The following MYRFL variants were observed in gnomAD, a reference collection of about 807,000 sequenced individuals.
MYRFL encodes the protein myelin regulatory factor-like protein.
MYRFL carries 88 observed loss-of-function variants against 109.4 expected under a neutral mutation model. That is an observed-to-expected ratio of 0.80 (90% CI 0.68 to 0.96). The LOEUF (loss-of-function observed/expected upper bound fraction) is 0.96, where lower values mean the gene tolerates loss of function less well. Among genes scored for constraint, MYRFL ranks in the 40% least tolerant of loss-of-function variants. The pLI, the probability that MYRFL is intolerant of heterozygous loss-of-function variation, is 0.00. For missense variants in MYRFL, 957 were observed against 954.9 expected, an observed-to-expected ratio of 1.00 and a Z score of -0.03; for synonymous variants, 324 against 320.9, an observed-to-expected ratio of 1.01 and a Z score of -0.10.
At chr12:69,927,584 A>G (rs1955136783) in intron 14 of MYRFL, 101 bp from the exon 15 acceptor site, 2 of 863,502 alleles carry the variant, frequency 2.3e-6, no homozygotes, top group Non-Finnish European at 1.7e-6. Context: ...ACTGTATTGC[A>G]AAAGAAAGTC....
intron 13 of MYRFL, among the ~76,000 whole-genome samples, chr12:69,917,701 G>A (rs1414905799): frequency 1.3e-5 from 2 of 152,070 alleles, no homozygotes; most frequent in African/African-American, 4.8e-5. Context: ...TGCCTCATCA[G>A]TGCTGTGTTG....
At chr12:69,933,736 C>CAA (rs1955346169) in intron 16 of MYRFL, among the ~76,000 whole-genome samples, 1 of 152,174 alleles carries the variant, frequency 6.6e-6, no homozygotes, top group Admixed American at 6.5e-5. Flanking sequence ...CTGGGATTCC[C>CAA]AACTCAGGAG....
At chr12:69,846,996 C>G (rs573235163) in intron 1 of MYRFL, among the ~76,000 whole-genome samples, 2 of 152,082 alleles carry the variant, frequency 1.3e-5, no homozygotes, top group South Asian at 2.1e-4. Flanking sequence ...TAAATGTCTT[C>G]TTTTGAGAAG....
chr12:69,913,901 G>A (rs1248033848), intron 13 of MYRFL, among the ~76,000 whole-genome samples: 1 of 152,148 alleles, frequency 6.6e-6, no homozygotes, highest in African/African-American at 2.4e-5. Flanking sequence ...TGTTGACATT[G>A]TAACAATATT....
intron 11 of MYRFL, among the ~76,000 whole-genome samples, chr12:69,908,086 G>C (rs1228828200): frequency 6.6e-6 from 1 of 151,988 alleles, no homozygotes; most frequent in Non-Finnish European, 1.5e-5. Context: ...TAGCATTCCT[G>C]TCTTAGTCTC....
chr12:69,945,198 T>A (rs1212008873), intron 19 of MYRFL, among the ~76,000 whole-genome samples: 1 of 152,120 alleles, frequency 6.6e-6, no homozygotes, highest in Non-Finnish European at 1.5e-5. Flanking sequence ...ATTTTAAAAA[T>A]AAATTTAGTA....
chr12:69,830,301 G>A (rs1006854996), intron 1 of MYRFL, among the ~76,000 whole-genome samples: 2 of 151,088 alleles, frequency 1.3e-5, no homozygotes, highest in Admixed American at 6.6e-5. Context: ...AATATATAGA[G>A]AGATAATGTA....
At chr12:69,904,842 C>T (rs1252391847) in intron 11 of MYRFL, among the ~76,000 whole-genome samples, 3 of 152,166 alleles carry the variant, frequency 2.0e-5, no homozygotes, top group East Asian at 1.9e-4. Flanking sequence ...CCCTTTTTAG[C>T]TAATAGAAGT....
chr12:69,875,127 T>TA (rs1257577020), intron 2 of MYRFL, among the ~76,000 whole-genome samples: 3 of 13,140 alleles, frequency 2.3e-4, no homozygotes, highest in Non-Finnish European at 7.9e-4. Context: ...TGTTATATCT[T>TA]AATTTTTTTT....
chr12:69,835,146 G>A (rs755775262), intron 1 of MYRFL, among the ~76,000 whole-genome samples: 3 of 152,146 alleles, frequency 2.0e-5, no homozygotes, highest in Non-Finnish European at 2.9e-5. Flanking sequence ...ACCGGTTCTT[G>A]TATCTATCAA....
intron 13 of MYRFL, among the ~76,000 whole-genome samples, chr12:69,922,607 TA>T (rs1954949699): frequency 6.6e-6 from 1 of 152,170 alleles, no homozygotes. Context: ...CTAGATTATT[TA>T]AAGCAACCTC....
intron 19 of MYRFL, among the ~76,000 whole-genome samples, chr12:69,938,922 A>T (rs572482346): frequency 6.6e-4 from 100 of 152,278 alleles, no homozygotes; most frequent in Non-Finnish European, 8.7e-4. Flanking sequence ...AATCAAAGAA[A>T]GGGGTGACGG....
intron 10 of MYRFL, among the ~76,000 whole-genome samples, chr12:69,899,071 C>A (rs1310868108): frequency 6.6e-6 from 1 of 152,048 alleles, no homozygotes; most frequent in Non-Finnish European, 1.5e-5. Context: ...ATTTTTATTT[C>A]AAAAAATGAT....
chr12:69,910,651 A>G (rs63613363), intron 12 of MYRFL, among the ~76,000 whole-genome samples, 170 bp from the exon 13 acceptor site: 1 of 145,022 alleles, frequency 6.9e-6, no homozygotes, highest in African/African-American at 2.5e-5. Flanking sequence ...AAAAAAAAAA[A>G]GGAAAAGAAA....
At chr12:69,930,380 G>T (rs1355868405) in intron 15 of MYRFL, among the ~76,000 whole-genome samples, 1 of 152,078 alleles carries the variant, frequency 6.6e-6, no homozygotes, top group African/African-American at 2.4e-5. Flanking sequence ...CAGTCAGTAG[G>T]GTTCCTCTTT....
chr12:69,956,188 T>TAA (rs34735216), intron 22 of MYRFL, among the ~76,000 whole-genome samples: 2 of 142,208 alleles, frequency 1.4e-5, no homozygotes, highest in Non-Finnish European at 3.1e-5. Flanking sequence ...TCAGGACACA[T>TAA]AAAAAAAAAA....
At chr12:69,854,863 T>C (rs1884174591) in intron 1 of MYRFL, among the ~76,000 whole-genome samples, 1 of 152,202 alleles carries the variant, frequency 6.6e-6, no homozygotes, top group Admixed American at 6.5e-5. Flanking sequence ...TATCTGCAAA[T>C]AAAAACAGTT....
At chr12:69,935,617 G>C (rs1245158635) in intron 16 of MYRFL, among the ~76,000 whole-genome samples, 2 of 152,202 alleles carry the variant, frequency 1.3e-5, no homozygotes, top group Non-Finnish European at 2.9e-5. Flanking sequence ...GCTCTGAAAA[G>C]ACAGGCAGCC....
At chr12:69,881,476 T>TG (rs1326310349) in intron 5 of MYRFL, among the ~76,000 whole-genome samples, 7 of 152,176 alleles carry the variant, frequency 4.6e-5, no homozygotes, top group African/African-American at 1.4e-4. Flanking sequence ...TTCACCTGAG[T>TG]GGGAAAAAAC....
Sources: gnomAD v4.1 joint callset for allele counts (sites outside exome capture counted in the v4.1 genomes callset) on GRCh38, gnomAD v4.1.1 for gene constraint, MANE v1.5 for transcripts, NCBI Gene and HGNC (gene_info 2026-07-23, HGNC 2026-07-21) for gene names.